SORBS2: variants seen among roughly 807,000 people sequenced by gnomAD.
SORBS2 encodes the protein sorbin and SH3 domain containing 2.
A neutral mutation model predicts 97.7 loss-of-function variants in SORBS2; 46 were observed. That is an observed-to-expected ratio of 0.47 (90% CI 0.37 to 0.60). The LOEUF is 0.60. Among genes scored for constraint, SORBS2 ranks in the 20% least tolerant of loss-of-function variants. SORBS2 has a pLI of 0.00. For synonymous variants in SORBS2, 476 were observed against 473.4 expected, an observed-to-expected ratio of 1.01 and a Z score of -0.07; for missense variants, 1,316 against 1,282.3, an observed-to-expected ratio of 1.03 and a Z score of -0.40.
chr4:185,937,634 T>C (rs1037900027), intron 1 of SORBS2, among the ~76,000 whole-genome samples: 1 of 152,066 alleles, frequency 6.6e-6, no homozygotes, highest in Non-Finnish European at 1.5e-5. Flanking sequence ...CTTGGTTCAG[T>C]CCTCCTACAG....
chr4:185,768,559 CGT>C (rs2098949885), intron 2 of SORBS2, among the ~76,000 whole-genome samples: 1 of 151,856 alleles, frequency 6.6e-6, no homozygotes, highest in African/African-American at 2.4e-5. Context: ...AATTAGCTTG[CGT>C]GGTGACACGT....
At chr4:185,614,730 G>T (rs1271323230) in intron 11 of SORBS2, 101 bp downstream of exon 23, 8 of 1,392,570 alleles carry the variant, frequency 5.7e-6, no homozygotes, top group African/African-American at 1.5e-5. Flanking sequence ...AATGTCTAAA[G>T]AAAAAGATAA....
intron 9 of SORBS2, among the ~76,000 whole-genome samples, chr4:185,616,566 T>C (rs997163597): frequency 3.3e-5 from 5 of 152,150 alleles, no homozygotes; most frequent in Non-Finnish European, 7.3e-5. Flanking sequence ...TATGAACATA[T>C]GAATCAGAGG....
chr4:185,604,318 A>G (rs1167734047), intron 12 of SORBS2, among the ~76,000 whole-genome samples: 2 of 152,234 alleles, frequency 1.3e-5, no homozygotes, highest in Non-Finnish European at 2.9e-5. Context: ...AAGACATGCA[A>G]TAAACCACAC....
At chr4:185,790,436 C>G (rs910643530) in intron 1 of SORBS2, among the ~76,000 whole-genome samples, 1 of 152,200 alleles carries the variant, frequency 6.6e-6, no homozygotes, top group Non-Finnish European at 1.5e-5. Flanking sequence ...AAGTACAATA[C>G]GTGTATCTTT....
At chr4:185,609,877 A>G (rs1473390994) in intron 12 of SORBS2, among the ~76,000 whole-genome samples, 2 of 152,208 alleles carry the variant, frequency 1.3e-5, no homozygotes, top group African/African-American at 4.8e-5. Flanking sequence ...CACTTCCGGG[A>G]AGTTTTCTTC....
chr4:185,625,867 C>G (rs980188014), intron 6 of SORBS2, among the ~76,000 whole-genome samples: 29 of 152,210 alleles, frequency 1.9e-4, no homozygotes, highest in African/African-American at 7.0e-4. Flanking sequence ...TACCATGTGG[C>G]AATGGTTTTA....
At chr4:185,686,659 G>A (rs1488375980) in intron 2 of SORBS2, among the ~76,000 whole-genome samples, 4 of 152,212 alleles carry the variant, frequency 2.6e-5, no homozygotes, top group East Asian at 3.8e-4. Flanking sequence ...AGTCAAAGGT[G>A]TTGAAAGTAA....
chr4:185,769,801 T>C lies in SORBS2; in HGVS notation c.-198+5426A>G, dbSNP rs574911813. On this transcript the variant is annotated intron_variant, in intron 2 of 20. Coordinates refer to the SORBS2 transcript ENST00000284776. ...CACTGTGCCCAGCCTAATACTACTA[T>C]TTTTTAAACAGTAAAGATACATCCT... Among the ~76,000 whole-genome samples, 178 of 152,276 alleles carry C rather than the reference T, an allele frequency of 1.2e-3. 1 individual carries two copies. Among genetic ancestry groups the C allele is most frequent in the African/African-American group, 4.1e-3 (170 of 41,558 alleles).
chr4:185,737,612 C>T (rs1249501038), intron 2 of SORBS2, among the ~76,000 whole-genome samples: 2 of 151,994 alleles, frequency 1.3e-5, no homozygotes. Flanking sequence ...GGTGGGGACC[C>T]GAGGGGTGGG....
chr4:185,730,578 G>A (rs997702595), intron 2 of SORBS2, among the ~76,000 whole-genome samples: 1 of 152,218 alleles, frequency 6.6e-6, no homozygotes, highest in African/African-American at 2.4e-5. Flanking sequence ...CTGCTGACAG[G>A]AAGTCCTTGA....
At chr4:185,633,602 A>C (rs1433755012) in intron 4 of SORBS2, among the ~76,000 whole-genome samples, 3 of 152,262 alleles carry the variant, frequency 2.0e-5, no homozygotes, top group South Asian at 2.1e-4. Context: ...ATAGTTAACA[A>C]GAAATAATAT....
chr4:185,780,887 T>C (rs989320600), intron 1 of SORBS2, among the ~76,000 whole-genome samples: 1 of 152,216 alleles, frequency 6.6e-6, no homozygotes, highest in Non-Finnish European at 1.5e-5. Flanking sequence ...TTAAAACCTC[T>C]GTTAGAAGCT....
At chr4:185,794,806 G>A (rs149017412) in intron 1 of SORBS2, among the ~76,000 whole-genome samples, 14 of 151,672 alleles carry the variant, frequency 9.2e-5, no homozygotes, top group Non-Finnish European at 1.8e-4. Flanking sequence ...GGGTGATGGT[G>A]TCTGAGCATG....
intron 11 of SORBS2, among the ~76,000 whole-genome samples, 194 bp from the exon 24 acceptor site, chr4:185,612,174 T>C (rs186476569): frequency 1.3e-5 from 2 of 152,342 alleles, no homozygotes; most frequent in Non-Finnish European, 2.9e-5. Flanking sequence ...ATATATGTAA[T>C]TGAAATGTCC....
At chr4:185,948,827 A>T (rs11732224) in intron 1 of SORBS2, among the ~76,000 whole-genome samples, 10,810 of 152,130 alleles carry the variant, frequency 0.071, 512 homozygotes, top group Non-Finnish European at 0.1. Context: ...TATGAATTTC[A>T]AAATATTAAA....
At chr4:185,953,941 T>C (rs2099278424) in intron 1 of SORBS2, among the ~76,000 whole-genome samples, 1 of 152,272 alleles carries the variant, frequency 6.6e-6, no homozygotes, top group Non-Finnish European at 1.5e-5. Flanking sequence ...ATCTCATGCC[T>C]GGAGGACATC....
upstream of SORBS2, among the ~76,000 whole-genome samples, chr4:185,661,584 A>G (rs2097523045): frequency 6.6e-6 from 1 of 152,148 alleles, no homozygotes; most frequent in African/African-American, 2.4e-5. Context: ...GCTTCCTGCT[A>G]CCATATCCCT....
intron 9 of SORBS2, among the ~76,000 whole-genome samples, chr4:185,616,232 G>A (rs951125131): frequency 2.6e-5 from 4 of 152,168 alleles, no homozygotes; most frequent in African/African-American, 9.7e-5. Context: ...TTGATGGAGA[G>A]AGATTTATAC....
Sources: gnomAD v4.1 joint callset for allele counts (sites outside exome capture counted in the v4.1 genomes callset) on GRCh38, gnomAD v4.1.1 for gene constraint, MANE v1.5 for transcripts, NCBI Gene and HGNC (gene_info 2026-07-23, HGNC 2026-07-21) for gene names.